CNBD2: variants seen among roughly 807,000 people sequenced by gnomAD.
CNBD2 encodes cyclic nucleotide binding domain containing 2.
A neutral mutation model predicts 63.7 loss-of-function variants in CNBD2; 64 were observed. The ratio of observed to expected loss-of-function variants is 1.00; its 90% CI spans 0.82 to 1.24. CNBD2 has a LOEUF of 1.24. Ranked by LOEUF, CNBD2 falls within the 50% of genes most tolerant of loss-of-function variation. The pLI is 0.00. For missense variants in CNBD2, 691 were observed against 713.5 expected (o/e 0.97, Z 0.36); for synonymous variants, 229 against 255.4 (o/e 0.90, Z 0.99).
intron 4 of CNBD2, among the ~76,000 whole-genome samples, chr20:35,980,944 C>T (rs2147233375): frequency 6.6e-6 from 1 of 152,280 alleles, no homozygotes; most frequent in Non-Finnish European, 1.5e-5. Flanking sequence ...CTAGGTCACC[C>T]AGACAAAAAG....
At chr20:35,975,705 C>T (rs965572299) in intron 2 of CNBD2, among the ~76,000 whole-genome samples, 4 of 152,058 alleles carry the variant, frequency 2.6e-5, no homozygotes, top group Admixed American at 2.0e-4. Flanking sequence ...CCTTATCCTC[C>T]TTTCCTTCTC....
In CNBD2 at chr20:36,008,387, A is replaced by C; in HGVS notation, c.1061A>C (p.Lys354Thr). The change falls in exon 9 of 12, where the codon AAA becomes ACA. Residue 354 changes from lysine (K) to threonine (T), a missense_variant. Transcript: ENST00000373973. The stretch of plus-strand genomic sequence containing the variant: ...TCCTTGAAACTTCCACATCTCAAAA[A>C]AGCCTGGGGGCTACAGGGGACAAGC... ...FSSLKLPHLKKAWGLQGTSFS... is the reference protein window; with the variant it reads ...FSSLKLPHLKTAWGLQGTSFS... The C allele has an allele frequency of 6.2e-7, 1 of 1,614,006 alleles. No individual in the cohort carries two copies.
intron 8 of CNBD2, among the ~76,000 whole-genome samples, chr20:36,005,668 G>A (rs1339058940): frequency 1.3e-5 from 2 of 151,986 alleles, no homozygotes; most frequent in African/African-American, 4.8e-5. Context: ...TTAATTTGAG[G>A]GGCCGGGCAT....
intron 3 of CNBD2, among the ~76,000 whole-genome samples, chr20:35,979,290 A>C (rs1003759223): frequency 6.6e-6 from 1 of 152,224 alleles, no homozygotes; most frequent in African/African-American, 2.4e-5. Flanking sequence ...TAACATCCCC[A>C]GCCTGCCATT....
chr20:36,008,185 C>A, intron 8 of CNBD2, 112 bp from the exon 9 acceptor site: 2 of 815,680 alleles, frequency 2.5e-6, no homozygotes, highest in Non-Finnish European at 3.8e-6. Flanking sequence ...AAAAATTTCC[C>A]CATGTGCTAG....
intron 11 of CNBD2, 41 bp from the exon 12 acceptor site, chr20:36,030,316 G>T (rs1472139872): frequency 6.2e-7 from 1 of 1,602,840 alleles, no homozygotes; most frequent in African/African-American, 1.3e-5. Flanking sequence ...TGGAGGGGCG[G>T]GACTGGCATG....
rs1277411330 is a variant in CNBD2, at chr20:36,030,431, T to C, written c.1514T>C (p.Leu505Pro). The change falls in exon 12 of 12, where the codon CTC (leucine) becomes CCC (proline). Residue 505 changes from leucine to proline, a missense_variant. Leu to Pro is a moderately conservative substitution (Grantham distance 98, BLOSUM62 -3). Coordinates refer to ENST00000373973, the MANE Select transcript of CNBD2 (RefSeq NM_001365709.1). The part of the protein sequence containing the change: ...NIFRKDLLQL[L>P]VEPCQSQLFT... The stretch of plus-strand genomic sequence containing the variant: ...TTTCGGAAGGACCTGTTGCAGCTGC[T>C]CGTGGAGCCTTGCCAAAGTCAACTG... 1.9e-6 allele frequency: 3 copies of C among 1,614,144 alleles called. No individual in the cohort carries two copies. Among genetic ancestry groups the C allele is most frequent in the East Asian group, 2.2e-5 (1 of 44,884 alleles).
At chr20:35,970,049 G>A (rs1379703314) in intron 1 of CNBD2, among the ~76,000 whole-genome samples, 1 of 152,184 alleles carries the variant, frequency 6.6e-6, no homozygotes, top group Non-Finnish European at 1.5e-5. Flanking sequence ...CCAGCACTTT[G>A]GGAGGCTGAG....
intron 8 of CNBD2, among the ~76,000 whole-genome samples, chr20:36,001,600 C>T (rs1375567035): frequency 5.1e-3 from 544 of 105,786 alleles, no homozygotes; most frequent in Middle Eastern, 0.013. Flanking sequence ...ACTTCTCAGA[C>T]GGGGCGGCTG....
chr20:36,001,961 C>G (rs1177880517), intron 8 of CNBD2, among the ~76,000 whole-genome samples: 2 of 151,486 alleles, frequency 1.3e-5, no homozygotes, highest in Non-Finnish European at 3.0e-5. Context: ...GATGGGCGGC[C>G]AGGCAGAGAC....
downstream of CNBD2, among the ~76,000 whole-genome samples, chr20:35,960,152 G>A (rs919360658): frequency 6.6e-6 from 1 of 152,138 alleles, no homozygotes; most frequent in Non-Finnish European, 1.5e-5. Context: ...GAAATATTTT[G>A]CTACATATTG....
At chr20:35,954,386 A>G (rs527906457), upstream of CNBD2, 11 of 1,568,390 alleles carry the variant, frequency 7.0e-6, no homozygotes, top group South Asian at 7.0e-5. Context: ...GTTAAAGGGC[A>G]GAGCTCGCGT....
At chr20:35,992,175 C>T (rs2056755717) in intron 7 of CNBD2, among the ~76,000 whole-genome samples, 2 of 152,226 alleles carry the variant, frequency 1.3e-5, no homozygotes, top group Non-Finnish European at 2.9e-5. Context: ...ACCACCGCGC[C>T]TGGCGGGGAA....
intron 2 of CNBD2, among the ~76,000 whole-genome samples, chr20:35,975,252 C>T (rs73618560): frequency 4.2e-4 from 56 of 132,586 alleles, no homozygotes; most frequent in African/African-American, 7.9e-4. Context: ...CCGCCCGCCT[C>T]GGCCTCCCAA....
chr20:36,001,056 G>A (rs932350966), intron 8 of CNBD2, among the ~76,000 whole-genome samples: 3 of 151,068 alleles, frequency 2.0e-5, no homozygotes, highest in African/African-American at 7.3e-5. Context: ...GAGAGCACAG[G>A]GTTGGGGGTA....
chr20:36,001,523 G>C (rs1438721133), intron 8 of CNBD2, among the ~76,000 whole-genome samples: 11 of 150,568 alleles, frequency 7.3e-5, no homozygotes, highest in Non-Finnish European at 1.5e-4. Flanking sequence ...CCCGGACGGG[G>C]CGGCCGGCTG....
intron 8 of CNBD2, among the ~76,000 whole-genome samples, chr20:36,001,616 C>G (rs568045725): frequency 1.3e-5 from 2 of 148,450 alleles, no homozygotes; most frequent in Non-Finnish European, 1.5e-5. Flanking sequence ...GGCTGCCAGG[C>G]GGAGGGGCTC....
chr20:35,991,780 C>T (rs2056749299), intron 7 of CNBD2, among the ~76,000 whole-genome samples: 1 of 152,196 alleles, frequency 6.6e-6, no homozygotes, highest in Admixed American at 6.5e-5. Flanking sequence ...CAGTTTAGTA[C>T]ATGCTTACTC....
downstream of CNBD2, among the ~76,000 whole-genome samples, chr20:35,957,353 T>A (rs1227599582): frequency 1.3e-5 from 2 of 151,956 alleles, no homozygotes; most frequent in Non-Finnish European, 2.9e-5. Flanking sequence ...TTGGGAGGCA[T>A]AGGCAGGCGG....
Sources: allele counts gnomAD v4.1 joint callset (sites outside exome capture counted in the v4.1 genomes callset), GRCh38; gene constraint gnomAD v4.1.1; transcripts MANE v1.5; gene names NCBI Gene and HGNC (gene_info 2026-07-23, HGNC 2026-07-21).